The following WDR89 variants were observed in gnomAD, a reference collection of about 807,000 sequenced individuals.
WDR89 encodes WD repeat-containing protein 89.
Under a neutral mutation model 29.1 loss-of-function variants are expected in WDR89, and 17 were observed. The observed-to-expected ratio is 0.58, with a 90% CI of 0.40 to 0.88. WDR89 has a LOEUF of 0.88. WDR89 is among the 40% of genes least tolerant of loss of function. The probability of loss-of-function intolerance (pLI) is 0.00; values close to 1 mark genes in which losing one functional copy is unlikely to be tolerated. For synonymous variants in WDR89, 138 were observed against 157.8 expected (o/e 0.87, Z 0.94); for missense variants, 396 against 456.3 (o/e 0.87, Z 1.20).
In WDR89 at chr14:63,633,166, G is replaced by A. The variant is rs150012970; in HGVS notation, c.-137-8133C>T. ...ATGTTAAAGAAATGCAATATGTAAT[G>A]TCAAATGATAACCTGCAGAATAAAC... On this transcript the variant is annotated intron_variant, in intron 1 of 2. Transcript: ENST00000620954. Among the ~76,000 whole-genome samples, 44 of 152,182 alleles carry A rather than the reference G, an allele frequency of 2.9e-4. No homozygotes were observed. In the East Asian group the frequency reaches 8.5e-3, roughly 29 times the overall value.
At chr14:63,612,176 G>A (rs1473540193) in intron 2 of WDR89, among the ~76,000 whole-genome samples, 3 of 151,952 alleles carry the variant, frequency 2.0e-5, no homozygotes, top group African/African-American at 7.3e-5. Flanking sequence ...GGCCAATCAG[G>A]ACTACCACCA....
At chr14:63,608,662 G>A (rs1490746258) in intron 2 of WDR89, among the ~76,000 whole-genome samples, 2 of 131,978 alleles carry the variant, frequency 1.5e-5, no homozygotes, top group African/African-American at 6.9e-5. Context: ...CCAGTGTGGT[G>A]CATGCACACA....
intron 1 of WDR89, among the ~76,000 whole-genome samples, chr14:63,628,556 AT>A (rs1416895133): frequency 7.2e-5 from 11 of 152,250 alleles, no homozygotes; most frequent in African/African-American, 2.2e-4. Context: ...GACCCTAGAG[AT>A]GTAACATTTG....
At chr14:63,631,389 G>A (rs988711492) in intron 1 of WDR89, among the ~76,000 whole-genome samples, 3 of 151,952 alleles carry the variant, frequency 2.0e-5, no homozygotes, top group African/African-American at 7.3e-5. Context: ...TATTTGCACA[G>A]AGTCTTAACT....
chr14:63,630,655 A>G (rs1279436741), intron 1 of WDR89: 3 of 152,180 alleles, frequency 2.0e-5, no homozygotes, highest in Non-Finnish European at 4.4e-5. Context: ...AAAAAAAAAA[A>G]AAAGTCCAGA....
chr14:63,611,152 C>T (rs1353051257), intron 2 of WDR89, among the ~76,000 whole-genome samples: 1 of 151,848 alleles, frequency 6.6e-6, no homozygotes, highest in Non-Finnish European at 1.5e-5. Flanking sequence ...GCCTGGCCAA[C>T]GTGCTGAAAC....
chr14:63,607,684 C>T (rs111713062), intron 2 of WDR89, among the ~76,000 whole-genome samples: 14,279 of 150,882 alleles, frequency 0.095, 1,328 homozygotes, highest in African/African-American at 0.24. Flanking sequence ...GAGTTCGAGA[C>T]CAGCCTGACC....
Position 63,598,808 on chromosome 14 carries a change from C to A in WDR89, c.1135G>T (p.Asp379Tyr). The stretch of plus-strand genomic sequence containing the variant: ...TGCTTTTTCCTTCTTTTATAAGAAT[C>A]ATTACTATGAACTCGTACTCGTTGG... The part of the protein sequence containing the change: ...VHQRVRVHSN[D>Y]SYKRRKKQ Residue 379 changes from aspartate to tyrosine, a missense_variant, in exon 3 of 3, where the codon GAT becomes TAT. Physicochemically the swap from Asp to Tyr is radical, Grantham distance 160 (BLOSUM62 -3). Coordinates refer to ENST00000620954, the MANE Select transcript of WDR89 (RefSeq NM_080666.4). 1 of 1,595,730 alleles carries A rather than the reference C, an allele frequency of 6.3e-7. No individual in the cohort carries two copies. The highest frequency in any genetic ancestry group is 1.1e-5 in the South Asian group (1 of 88,082).
chr14:63,599,519 A>G lies in WDR89; in HGVS notation c.424T>C (p.Leu142=), dbSNP rs1161687964. ...ATCCTTGCATCCCAAAACACCAACA[A>G]TGCATCATCATCAACTTTTTCTGTA... ...AGTEKVDDDA[L]LVFWDARMNS... Residue 142 remains leucine (L), a synonymous_variant, in exon 3 of 3, where the codon TTG becomes CTG. Transcript: ENST00000620954. The G allele has an allele frequency of 6.2e-7, 1 of 1,614,198 alleles. No individual in the cohort carries two copies.
At chr14:63,611,070 G>A (rs1244979927) in intron 2 of WDR89, among the ~76,000 whole-genome samples, 2 of 151,962 alleles carry the variant, frequency 1.3e-5, no homozygotes, top group African/African-American at 2.4e-5. Flanking sequence ...CAGGCACAGT[G>A]GCTCATGCCT....
chr14:63,602,187 G>GT (rs1252691051), intron 2 of WDR89, among the ~76,000 whole-genome samples: 4 of 152,148 alleles, frequency 2.6e-5, no homozygotes, highest in Non-Finnish European at 5.9e-5. Flanking sequence ...CACAATAGAT[G>GT]TAATAGGTCA....
chr14:63,605,584 G>A (rs1351900685), intron 2 of WDR89, among the ~76,000 whole-genome samples: 3 of 151,668 alleles, frequency 2.0e-5, no homozygotes, highest in Non-Finnish European at 4.4e-5. Context: ...CTCAGCCCCC[G>A]AAGCAGCTGG....
At chr14:63,613,373 A>T (rs1188892472) in intron 2 of WDR89, among the ~76,000 whole-genome samples, 1 of 152,188 alleles carries the variant, frequency 6.6e-6, no homozygotes, top group Non-Finnish European at 1.5e-5. Context: ...TCTTAATGTT[A>T]TTCATTGTTT....
intron 2 of WDR89, among the ~76,000 whole-genome samples, chr14:63,618,688 A>AAAAC (rs1205888088): frequency 6.6e-6 from 1 of 152,120 alleles, no homozygotes; most frequent in Non-Finnish European, 1.5e-5. Flanking sequence ...AGAAAAGAAA[A>AAAAC]AAACAAACAA....
Position 63,599,548 on chromosome 14 carries a change from GCA to G in WDR89, c.393_394del (p.Ala132TrpfsTer6). ...ATCATCATCAACTTTTTCTGTACCA[GCA>G]CAAATAATATGATCATTACAATTAA... On this transcript the variant is annotated frameshift_variant, in exon 3 of 3. Transcript: ENST00000620954. LOFTEE classifies it high-confidence loss of function. 1 of 1,614,062 alleles carries G rather than the reference GCA, an allele frequency of 6.2e-7. No individual in the cohort carries two copies. Among genetic ancestry groups the G allele is most frequent in the Non-Finnish European group, 8.5e-7 (1 of 1,180,010 alleles).
At chr14:63,624,085 AAGATC>A (rs1431233395) in intron 2 of WDR89, among the ~76,000 whole-genome samples, 2 of 152,192 alleles carry the variant, frequency 1.3e-5, no homozygotes, top group Non-Finnish European at 2.9e-5. Flanking sequence ...TGGTTAGGCA[AAGATC>A]TCTTAAAACA....
At position 63,597,443 on chromosome 14, in the gene WDR89, C is replaced by T. The variant is rs1474411057; in HGVS notation, c.*1336G>A. Reference sequence around the variant, plus strand: ...TTTTTCACTTTCTAAAACTGTTAGTCTGGTTTTGACCCCTGTATTTATCTT... The same window carrying T: ...TTTTTCACTTTCTAAAACTGTTAGTTTGGTTTTGACCCCTGTATTTATCTT... On this transcript the variant is annotated 3_prime_UTR_variant, in exon 3 of 3. Coordinates refer to ENST00000620954, the MANE Select transcript of WDR89 (RefSeq NM_080666.4). The T allele has an allele frequency of 2.0e-5, 3 of 152,172 alleles. No individual in the cohort carries two copies. The highest frequency in any genetic ancestry group is 4.4e-5 in the Non-Finnish European group (3 of 68,028). The allele number at this position is 152,172 out of a possible 1,614,324, so 9.4% of individuals were successfully genotyped here.
chr14:63,602,149 C>T (rs1895092955), intron 2 of WDR89, among the ~76,000 whole-genome samples: 1 of 152,112 alleles, frequency 6.6e-6, no homozygotes, highest in South Asian at 2.1e-4. Context: ...ATGTGTTCTG[C>T]ACAATGTATG....
rs775316974 is a variant in WDR89, at chr14:63,599,173, C to T, written c.770G>A (p.Arg257His). 19 of 1,611,372 alleles carry T rather than the reference C, an allele frequency of 1.2e-5. No homozygotes were observed. Among genetic ancestry groups the T allele is most frequent in the African/African-American group, 6.7e-5 (5 of 75,016 alleles). ...NHLDTDEPVTRLNIQDVREVV... is the reference protein window; with the variant it reads ...NHLDTDEPVTHLNIQDVREVV... ...TTCTCTGACATCCTGGATGTTCAAA[C>T]GTGTAACTGGTTCATCAGTGTCCAG... The change falls in exon 3 of 3, where the codon CGT becomes CAT. Residue 257 changes from arginine to histidine, a missense_variant. Arg to His is a conservative substitution (Grantham distance 29). Transcript: ENST00000620954.
Sources: allele counts gnomAD v4.1 joint callset (sites outside exome capture counted in the v4.1 genomes callset), GRCh38; gene constraint gnomAD v4.1.1; transcripts MANE v1.5; gene names NCBI Gene and HGNC (gene_info 2026-07-23, HGNC 2026-07-21).